Variants in ATP13A4 observed in about 807,000 individuals in gnomAD.
The protein encoded by ATP13A4 is ATPase 13A4.
Under a neutral mutation model 142.5 loss-of-function variants are expected in ATP13A4, and 114 were observed. The observed-to-expected ratio is 0.80, with a 90% CI of 0.69 to 0.93. ATP13A4 has a LOEUF of 0.93. Among genes scored for constraint, ATP13A4 ranks in the 40% least tolerant of loss-of-function variants. The probability of loss-of-function intolerance (pLI) is 0.00; values close to 1 mark genes in which losing one functional copy is unlikely to be tolerated. For synonymous variants in ATP13A4, 488 were observed against 514.8 expected (o/e 0.95, Z 0.70); for missense variants, 1,392 against 1,454.0 (o/e 0.96, Z 0.69).
rs373348467 is a variant in ATP13A4, at chr3:193,457,149, G to T, written c.1766C>A (p.Pro589Gln). Residue 589 changes from proline (P) to glutamine (Q), a missense_variant, in exon 16 of 30, where the codon CCA becomes CAA. By Grantham distance (76) the Pro-to-Gln change is moderately conservative. Coordinates refer to ENST00000342695, the MANE Select transcript of ATP13A4 (RefSeq NM_032279.4). ...ATGCAGGATTGCAATTCCTTCCACTGGGACCTGGTTGAGGGATGGGGAAAG... is the reference window on the plus strand; with the variant it reads ...ATGCAGGATTGCAATTCCTTCCACTTGGACCTGGTTGAGGGATGGGGAAAG... The part of the protein sequence containing the change: ...VKPCRTASQV[P>Q]VEGIAILHQF... 1.2e-6 allele frequency: 2 copies of T among 1,612,888 alleles called. No individual in the cohort carries two copies. The highest frequency in any genetic ancestry group is 1.3e-5 in the African/African-American group (1 of 74,902).
At position 193,402,501 on chromosome 3, in the gene ATP13A4, T is replaced by C. The variant is rs1714298675; in HGVS notation, c.*151A>G. On this transcript the variant is annotated 3_prime_UTR_variant, in exon 30 of 30. Coordinates refer to ENST00000342695, the MANE Select transcript of ATP13A4 (RefSeq NM_032279.4). ...AATGTTCTTCTCTGTAGACAGTATT[T>C]TATCAAACAGACTTTAGTTTGTCAC... The C allele has an allele frequency of 1.6e-6, 1 of 637,706 alleles. No individual in the cohort carries two copies. Among genetic ancestry groups the C allele is most frequent in the Non-Finnish European group, 2.8e-6 (1 of 355,702 alleles). 39.5% of individuals were successfully genotyped at this position (637,706 alleles called of 1,614,324 possible).
At chr3:193,523,335 CA>C (rs1721826330) in intron 1 of ATP13A4, among the ~76,000 whole-genome samples, 1 of 152,028 alleles carries the variant, frequency 6.6e-6, no homozygotes, top group Non-Finnish European at 1.5e-5. Context: ...GAGCCCCTTT[CA>C]ACCATATTCG....
intron 1 of ATP13A4, among the ~76,000 whole-genome samples, chr3:193,549,769 G>A (rs930832052): frequency 6.6e-6 from 1 of 152,046 alleles, no homozygotes; most frequent in Non-Finnish European, 1.5e-5. Context: ...GAGGTTGAGG[G>A]TGCGGTGAGC....
At chr3:193,591,921 G>T (rs1724808302) in intron 1 of ATP13A4, among the ~76,000 whole-genome samples, 1 of 152,076 alleles carries the variant, frequency 6.6e-6, no homozygotes, top group East Asian at 1.9e-4. Flanking sequence ...AGTTTGCACA[G>T]GTTGGTACAG....
chr3:193,410,959 CA>C (rs772995293), intron 28 of ATP13A4, 22 bp downstream of exon 28: 1 of 1,425,776 alleles, frequency 7.0e-7, no homozygotes, highest in Non-Finnish European at 9.9e-7. Context: ...AAAGCATCAT[CA>C]TATCCCAAAG....
intron 26 of ATP13A4, among the ~76,000 whole-genome samples, chr3:193,414,007 C>T (rs192875280): frequency 1.5e-4 from 23 of 152,288 alleles, no homozygotes; most frequent in Admixed American, 6.5e-5. Context: ...ATGGGCATCA[C>T]GGTCCTACCG....
At chr3:193,532,691 A>T (rs2108704982) in intron 1 of ATP13A4, among the ~76,000 whole-genome samples, 1 of 152,284 alleles carries the variant, frequency 6.6e-6, no homozygotes, top group Non-Finnish European at 1.5e-5. Context: ...CAGTAATGCA[A>T]TTATTATTTC....
chr3:193,475,892 T>G (rs1718935719), intron 8 of ATP13A4, among the ~76,000 whole-genome samples: 1 of 152,038 alleles, frequency 6.6e-6, no homozygotes, highest in African/African-American at 2.4e-5. Flanking sequence ...TAATGCTGAG[T>G]GCATTAGTTT....
chr3:193,456,911 G>T, intron 16 of ATP13A4, 89 bp downstream of exon 16: 2 of 1,485,278 alleles, frequency 1.3e-6, no homozygotes, highest in Non-Finnish European at 1.8e-6. Context: ...ATGACCCATA[G>T]GCGATTGAAT....
intron 29 of ATP13A4, among the ~76,000 whole-genome samples, chr3:193,405,649 A>T (rs192189618): frequency 2.5e-4 from 38 of 152,258 alleles, no homozygotes; most frequent in African/African-American, 8.7e-4. Flanking sequence ...TCCCAGTGAC[A>T]CTACTGAGTT....
intron 3 of ATP13A4, among the ~76,000 whole-genome samples, chr3:193,495,293 CA>C (rs1387449330): frequency 4.0e-5 from 6 of 151,744 alleles, no homozygotes; most frequent in African/African-American, 1.5e-4. Flanking sequence ...AAGGGCACAA[CA>C]AAAAAGAAAA....
At chr3:193,529,848 C>T (rs9845294) in intron 1 of ATP13A4, among the ~76,000 whole-genome samples, 21,404 of 152,164 alleles carry the variant, frequency 0.14, 1,631 homozygotes, top group East Asian at 0.21. Flanking sequence ...CTAAACCAAA[C>T]GAGATTTCCT....
rs1354423654 is a variant in ATP13A4, at chr3:193,412,194, C to A, written c.3192G>T (p.Gln1064His). 1.2e-6 allele frequency: 2 copies of A among 1,608,534 alleles called. No homozygotes were observed. Among genetic ancestry groups the A allele is most frequent in the Non-Finnish European group, 1.7e-6 (2 of 1,174,946 alleles). ...TCTACTCACAGTTTGTATAAGTTGG[C>A]TGTCTAAATGGTTTTCCTTTAGAGA... is the stretch of plus-strand genomic sequence containing the variant. ...LVFSKGKPFR[Q>H]PTYTNYIFVL... The change falls in exon 27 of 30, where the codon CAG (glutamine) becomes CAT (histidine). Residue 1064 changes from glutamine to histidine, a missense_variant. By Grantham distance (24) the Gln-to-His change is conservative. Transcript: ENST00000342695.
At chr3:193,404,005 T>G in intron 29 of ATP13A4, 1 of 985,390 alleles carries the variant, frequency 1.0e-6, no homozygotes, top group Non-Finnish European at 1.2e-6. Context: ...CAGTCTGCAT[T>G]ATTCCTGTGA....
chr3:193,545,248 A>C (rs1050179233), intron 1 of ATP13A4, among the ~76,000 whole-genome samples: 2 of 152,228 alleles, frequency 1.3e-5, no homozygotes, highest in Non-Finnish European at 2.9e-5. Flanking sequence ...CTTCAGCCAT[A>C]GTTCCCCCAA....
intron 7 of ATP13A4, among the ~76,000 whole-genome samples, chr3:193,487,648 T>C (rs150442778): frequency 3.7e-4 from 57 of 152,238 alleles, no homozygotes; most frequent in African/African-American, 1.3e-3. Flanking sequence ...TTTGACAATA[T>C]GTTTAAAATA....
chr3:193,540,073 A>G (rs1007164699), intron 1 of ATP13A4, among the ~76,000 whole-genome samples: 2 of 152,126 alleles, frequency 1.3e-5, no homozygotes, highest in Non-Finnish European at 2.9e-5. Context: ...ACCACAGAAG[A>G]TAGAATTCGA....
intron 13 of ATP13A4, among the ~76,000 whole-genome samples, chr3:193,461,548 G>C (rs1302996171): frequency 2.0e-5 from 3 of 152,150 alleles, no homozygotes; most frequent in Non-Finnish European, 4.4e-5. Context: ...GAAGCACGAG[G>C]ATCACTTTTT....
At chr3:193,471,068 G>T in intron 8 of ATP13A4, 75 bp from the exon 9 acceptor site, 2 of 1,588,604 alleles carry the variant, frequency 1.3e-6, no homozygotes, top group Non-Finnish European at 8.6e-7. Flanking sequence ...ATTTAACTTG[G>T]ATATCAATGA....
Sources: allele counts gnomAD v4.1 joint callset (sites outside exome capture counted in the v4.1 genomes callset), GRCh38; gene constraint gnomAD v4.1.1; transcripts MANE v1.5; gene names NCBI Gene and HGNC (gene_info 2026-07-23, HGNC 2026-07-21).